TPRG1: variants seen among roughly 807,000 people sequenced by gnomAD.
TPRG1 encodes the protein tumor protein p63-regulated gene 1 protein.
A neutral mutation model predicts 29.3 loss-of-function variants in TPRG1; 29 were observed. The observed-to-expected ratio is 0.99, with a 90% CI of 0.74 to 1.35. The LOEUF is 1.35. Ranked by LOEUF, TPRG1 falls within the 40% of genes most tolerant of loss-of-function variation. TPRG1 has a pLI of 0.00. For missense variants in TPRG1, 327 were observed against 335.0 expected (o/e 0.98, Z 0.19); for synonymous variants, 130 against 116.8 (o/e 1.11, Z -0.73).
chr3:189,206,067 T>TCCTTCC, intron 1 of TPRG1, among the ~76,000 whole-genome samples: 1 of 96,696 alleles, frequency 1.0e-5, no homozygotes, highest in South Asian at 4.3e-4. Context: ...TTCTTTCTTT[T>TCCTTCC]TTCTTTCTTT....
rs868486137 is a variant in TPRG1 at position 189,074,960 on chromosome 3, C to T, written c.-463+51014C>T. On this transcript the variant is annotated intron_variant, in intron 4 of 10. Transcript: ENST00000433971. The stretch of plus-strand genomic sequence containing the variant: ...CCGAGTAGCTGGGACTACAGGCGCC[C>T]GCCACCACGCCCGGCTAATTTTTTG... Among the ~76,000 whole-genome samples, 163 of 151,420 alleles carry T rather than the reference C, an allele frequency of 1.1e-3. 1 individual carries two copies. Among genetic ancestry groups the T allele is most frequent in the African/African-American group, 3.6e-3 (150 of 41,280 alleles).
At chr3:189,011,778 TC>T (rs1384323793) in intron 3 of TPRG1, among the ~76,000 whole-genome samples, 5 of 152,226 alleles carry the variant, frequency 3.3e-5, no homozygotes, top group Non-Finnish European at 7.3e-5. Flanking sequence ...GGGATGTTTT[TC>T]CATCTGTTTG....
chr3:189,129,779 T>C (rs943800656), intron 2 of TPRG1, among the ~76,000 whole-genome samples: 3 of 152,316 alleles, frequency 2.0e-5, no homozygotes, highest in Admixed American at 2.0e-4. Flanking sequence ...AAGAAAAAAG[T>C]ATAGGATTTT....
intron 4 of TPRG1, among the ~76,000 whole-genome samples, chr3:189,074,228 T>C (rs1716985460): frequency 7.3e-6 from 1 of 137,354 alleles, no homozygotes; most frequent in Non-Finnish European, 1.5e-5. Flanking sequence ...TTTTTTGACG[T>C]GGAGTCTCGC....
At chr3:189,091,500 G>A (rs911925100) in intron 4 of TPRG1, among the ~76,000 whole-genome samples, 11 of 151,882 alleles carry the variant, frequency 7.2e-5, no homozygotes, top group Admixed American at 3.9e-4. Flanking sequence ...CCAATACCCC[G>A]TTAGTCATTG....
At chr3:189,034,619 TAAAAA>T (rs1005901791) in intron 4 of TPRG1, among the ~76,000 whole-genome samples, 3 of 151,928 alleles carry the variant, frequency 2.0e-5, no homozygotes, top group African/African-American at 7.3e-5. Flanking sequence ...TTTAAACAGA[TAAAAA>T]AGAAAAAGCA....
intron 4 of TPRG1, among the ~76,000 whole-genome samples, chr3:189,258,189 T>C (rs922641572): frequency 6.6e-5 from 10 of 152,150 alleles, no homozygotes; most frequent in Admixed American, 2.6e-4. Flanking sequence ...AGTTTTTGTG[T>C]GGTCATCCTT....
intron 1 of TPRG1, among the ~76,000 whole-genome samples, chr3:188,997,779 G>A (rs1472918316): frequency 6.6e-6 from 1 of 152,126 alleles, no homozygotes; most frequent in African/African-American, 2.4e-5. Context: ...TCCAGGAGCT[G>A]TCTCCTATAT....
chr3:189,193,213 G>A (rs1335498053), intron 1 of TPRG1, among the ~76,000 whole-genome samples: 1 of 130,462 alleles, frequency 7.7e-6, no homozygotes, highest in East Asian at 2.4e-4. Flanking sequence ...CCATTTCACT[G>A]CAAACTTGAA....
At chr3:189,207,354 G>T (rs1201493058) in intron 1 of TPRG1, 22 bp from the exon 2 acceptor site, 3 of 1,611,570 alleles carry the variant, frequency 1.9e-6, no homozygotes, top group Non-Finnish European at 1.7e-6. Flanking sequence ...TTTTCAATGA[G>T]ATTTTTCTGC....
At chr3:189,019,715 C>G (rs1413174180) in intron 3 of TPRG1, among the ~76,000 whole-genome samples, 1 of 151,538 alleles carries the variant, frequency 6.6e-6, no homozygotes, top group Non-Finnish European at 1.5e-5. Context: ...TGTCTCTGCC[C>G]AGCTTTGGTA....
intron 5 of TPRG1, among the ~76,000 whole-genome samples, chr3:189,317,584 G>C (rs539055283): frequency 6.6e-6 from 1 of 152,114 alleles, no homozygotes; most frequent in Non-Finnish European, 1.5e-5. Flanking sequence ...AGAGAGGTTG[G>C]ATAACTTGCC....
At chr3:189,292,072 G>A (rs911845629) in intron 4 of TPRG1, among the ~76,000 whole-genome samples, 6 of 152,146 alleles carry the variant, frequency 3.9e-5, no homozygotes, top group Non-Finnish European at 5.9e-5. Flanking sequence ...ACTACTTTTC[G>A]AATTCCCTTT....
rs866497072 is a variant in TPRG1, at chr3:189,074,961, G to A, written c.-463+51015G>A. ...CGAGTAGCTGGGACTACAGGCGCCC[G>A]CCACCACGCCCGGCTAATTTTTTGT... On this transcript the variant is annotated intron_variant, in intron 4 of 10. Transcript: ENST00000433971. Among the ~76,000 whole-genome samples, 52 of 149,914 alleles carry A rather than the reference G, an allele frequency of 3.5e-4. No homozygotes were observed. In the Middle Eastern group the frequency reaches 0.021, roughly 60 times the overall value.
chr3:189,118,384 A>T (rs925559821), intron 1 of TPRG1, among the ~76,000 whole-genome samples: 1 of 152,184 alleles, frequency 6.6e-6, no homozygotes, highest in African/African-American at 2.4e-5. Context: ...CAGCCTAACA[A>T]TGTGATAGAA....
At chr3:189,280,237 A>G (rs190167723) in intron 4 of TPRG1, among the ~76,000 whole-genome samples, 246 of 152,250 alleles carry the variant, frequency 1.6e-3, no homozygotes, top group African/African-American at 5.2e-3. Context: ...AAGTGAATGA[A>G]TGCACCTGTG....
intron 3 of TPRG1, among the ~76,000 whole-genome samples, chr3:189,014,614 T>C (rs187749948): frequency 2.2e-3 from 339 of 152,282 alleles, no homozygotes; most frequent in African/African-American, 7.3e-3. Flanking sequence ...GACTGAATCA[T>C]GGGGGAAATC....
intron 4 of TPRG1, among the ~76,000 whole-genome samples, chr3:189,289,929 A>T (rs1718719214): frequency 6.6e-6 from 1 of 152,216 alleles, no homozygotes; most frequent in Non-Finnish European, 1.5e-5. Context: ...TATCTACCTG[A>T]AGCCTAAATT....
chr3:189,093,286 A>C (rs1718460043), intron 4 of TPRG1, among the ~76,000 whole-genome samples: 1 of 152,218 alleles, frequency 6.6e-6, no homozygotes, highest in Non-Finnish European at 1.5e-5. Flanking sequence ...GCTTGGGTTT[A>C]TGTTTAGACC....
Sources: gnomAD v4.1 joint callset for allele counts (sites outside exome capture counted in the v4.1 genomes callset) on GRCh38, gnomAD v4.1.1 for gene constraint, MANE v1.5 for transcripts, NCBI Gene and HGNC (gene_info 2026-07-23, HGNC 2026-07-21) for gene names.